The following SPHKAP variants were observed in gnomAD, a reference collection of about 807,000 sequenced individuals.
The protein encoded by SPHKAP is A-kinase anchor protein SPHKAP.
Under a neutral mutation model 137.5 loss-of-function variants are expected in SPHKAP, and 67 were observed. That is an observed-to-expected ratio of 0.49 (90% CI 0.40 to 0.60). The LOEUF (loss-of-function observed/expected upper bound fraction) is 0.60, where lower values mean the gene tolerates loss of function less well. Among genes scored for constraint, SPHKAP ranks in the 20% least tolerant of loss-of-function variants. SPHKAP has a pLI of 0.00. For synonymous variants in SPHKAP, 813 were observed against 785.3 expected, an observed-to-expected ratio of 1.04 and a Z score of -0.59; for missense variants, 2,097 against 2,069.3, an observed-to-expected ratio of 1.01 and a Z score of -0.26.
intron 1 of SPHKAP, among the ~76,000 whole-genome samples, chr2:228,140,377 C>T (rs774742956): frequency 1.3e-5 from 2 of 151,942 alleles, no homozygotes; most frequent in Non-Finnish European, 2.9e-5. Flanking sequence ...TGTATGTTAC[C>T]GTAATTGCTT....
In SPHKAP at chr2:227,980,090, C is replaced by G. The variant is rs1301536234; in HGVS notation, c.*1627G>C. On this transcript the variant is annotated 3_prime_UTR_variant, in exon 12 of 12. Transcript: ENST00000392056. Reference sequence around the variant, plus strand: ...TTTGAGCACAACAAAAGTCTACACACAGTATTCTGGGATTGTTTAAAAAAT... The same window carrying G: ...TTTGAGCACAACAAAAGTCTACACAGAGTATTCTGGGATTGTTTAAAAAAT... 1.3e-5 allele frequency: 2 copies of G among 152,644 alleles called. No individual in the cohort carries two copies. Among genetic ancestry groups the G allele is most frequent in the Non-Finnish European group, 2.9e-5 (2 of 68,044 alleles). The allele number at this position is 152,644 out of a possible 1,614,324, so 9.5% of individuals were successfully genotyped here. A position where few individuals can be genotyped will look rare whatever the true frequency, so the allele number is the denominator to read the frequency against.
intron 3 of SPHKAP, among the ~76,000 whole-genome samples, chr2:228,095,645 A>AG (rs1553539990): frequency 6.6e-6 from 1 of 151,754 alleles, no homozygotes; most frequent in Non-Finnish European, 1.5e-5. Flanking sequence ...ATACTTTTTA[A>AG]TTTTTTTTTA....
At chr2:228,125,740 C>G (rs866391109) in intron 2 of SPHKAP, among the ~76,000 whole-genome samples, 1 of 152,018 alleles carries the variant, frequency 6.6e-6, no homozygotes, top group Non-Finnish European at 1.5e-5. Flanking sequence ...TGTAAAATCC[C>G]TTAGATTCAG....
intron 1 of SPHKAP, among the ~76,000 whole-genome samples, chr2:228,166,410 T>C (rs1323310046): frequency 6.6e-6 from 1 of 152,208 alleles, no homozygotes; most frequent in African/African-American, 2.4e-5. Context: ...TTACTTCACA[T>C]GCCTTTTTCC....
intron 7 of SPHKAP, among the ~76,000 whole-genome samples, chr2:228,002,744 A>G (rs1351505420): frequency 6.6e-6 from 1 of 152,192 alleles, no homozygotes; most frequent in Admixed American, 6.5e-5. Context: ...TAATTTTTGT[A>G]TAAGGTGTAA....
intron 1 of SPHKAP, among the ~76,000 whole-genome samples, chr2:228,144,153 T>A (rs1699693849): frequency 6.6e-6 from 1 of 152,168 alleles, no homozygotes; most frequent in East Asian, 1.9e-4. Flanking sequence ...CTCCCCTAAC[T>A]AGAATTGCCA....
At chr2:228,058,584 C>G (rs1248623973) in intron 3 of SPHKAP, among the ~76,000 whole-genome samples, 1 of 152,140 alleles carries the variant, frequency 6.6e-6, no homozygotes, top group African/African-American at 2.4e-5. Context: ...TGCCCCGCTC[C>G]CCGTTCACTA....
At chr2:228,008,168 T>A (rs565138623) in intron 7 of SPHKAP, among the ~76,000 whole-genome samples, 1 of 152,252 alleles carries the variant, frequency 6.6e-6, no homozygotes. Flanking sequence ...AGAGCAAAAG[T>A]TTTTAATTTT....
chr2:228,006,119 A>G (rs977645735), intron 7 of SPHKAP, among the ~76,000 whole-genome samples: 21 of 152,116 alleles, frequency 1.4e-4, no homozygotes, highest in Non-Finnish European at 2.9e-5. Flanking sequence ...CTCCTGGATA[A>G]TATTCTGCAG....
intron 11 of SPHKAP, among the ~76,000 whole-genome samples, chr2:227,983,028 G>A (rs1249288869): frequency 6.6e-6 from 1 of 152,190 alleles, no homozygotes; most frequent in Non-Finnish European, 1.5e-5. Flanking sequence ...GTTTTAGGAG[G>A]AGGAGAGCCT....
At chr2:228,070,809 C>T (rs1486483989) in intron 3 of SPHKAP, among the ~76,000 whole-genome samples, 4 of 152,148 alleles carry the variant, frequency 2.6e-5, no homozygotes, top group African/African-American at 9.7e-5. Context: ...CATTGACAAT[C>T]CTTTCCATCG....
At chr2:228,176,738 G>T (rs1156647971) in intron 1 of SPHKAP, among the ~76,000 whole-genome samples, 1 of 152,192 alleles carries the variant, frequency 6.6e-6, no homozygotes, top group African/African-American at 2.4e-5. Flanking sequence ...GGGCGTGGTG[G>T]CGCATGCCTG....
chr2:228,041,032 G>A (rs1695820213), intron 3 of SPHKAP, among the ~76,000 whole-genome samples: 1 of 152,162 alleles, frequency 6.6e-6, no homozygotes, highest in African/African-American at 2.4e-5. Context: ...TTGGAAAAAT[G>A]TGCTCTGGGC....
At chr2:228,055,138 ACT>A (rs1559149589) in intron 3 of SPHKAP, among the ~76,000 whole-genome samples, 1 of 78,734 alleles carries the variant, frequency 1.3e-5, no homozygotes. Flanking sequence ...GTGAAACTCC[ACT>A]CCAAAAAAAA....
intron 1 of SPHKAP, among the ~76,000 whole-genome samples, chr2:228,154,875 T>C (rs1213663394): frequency 6.6e-6 from 1 of 151,730 alleles, no homozygotes; most frequent in African/African-American, 2.4e-5. Context: ...AAACTATTTT[T>C]AAGCCCATTA....
At chr2:228,001,211 C>T (rs1331930155) in intron 7 of SPHKAP, among the ~76,000 whole-genome samples, 2 of 146,910 alleles carry the variant, frequency 1.4e-5, no homozygotes, top group Non-Finnish European at 3.0e-5. Flanking sequence ...GCCTTTTGAT[C>T]ATTTTTCTTT....
At chr2:228,027,406 TGAGC>T in intron 4 of SPHKAP, 74 bp downstream of exon 4, 1 of 1,430,986 alleles carries the variant, frequency 7.0e-7, no homozygotes, top group South Asian at 1.2e-5. Flanking sequence ...TCCTACAAAA[TGAGC>T]ATTATTTACA....
At chr2:228,081,360 C>T (rs1188468435) in intron 3 of SPHKAP, among the ~76,000 whole-genome samples, 1 of 152,150 alleles carries the variant, frequency 6.6e-6, no homozygotes, top group Non-Finnish European at 1.5e-5. Flanking sequence ...CTGTTTGATT[C>T]CATGTTCTTT....
intron 3 of SPHKAP, among the ~76,000 whole-genome samples, chr2:228,041,466 G>A (rs1289288376): frequency 3.3e-5 from 5 of 151,848 alleles, no homozygotes; most frequent in East Asian, 3.9e-4. Context: ...CCAACATGGC[G>A]AAACCCTGTC....
Sources: allele counts gnomAD v4.1 joint callset (sites outside exome capture counted in the v4.1 genomes callset), GRCh38; gene constraint gnomAD v4.1.1; transcripts MANE v1.5; gene names NCBI Gene and HGNC (gene_info 2026-07-23, HGNC 2026-07-21).